The following NKAIN3 variants were observed in gnomAD, a reference collection of about 807,000 sequenced individuals.
NKAIN3 encodes the protein sodium/potassium transporting ATPase interacting 3.
NKAIN3 carries 25 observed loss-of-function variants against 30.2 expected under a neutral mutation model. That is an observed-to-expected ratio of 0.83 (90% CI 0.60 to 1.16). The LOEUF (loss-of-function observed/expected upper bound fraction) is 1.16. NKAIN3 is among the 50% of genes most tolerant of loss of function. NKAIN3 has a pLI of 0.00. For missense variants in NKAIN3, 225 were observed against 254.1 expected, an observed-to-expected ratio of 0.89 and a Z score of 0.78; for synonymous variants, 91 against 89.6, an observed-to-expected ratio of 1.02 and a Z score of -0.09.
chr8:62,290,866 C>T (rs933528227), intron 1 of NKAIN3, among the ~76,000 whole-genome samples: 57 of 152,088 alleles, frequency 3.7e-4, no homozygotes, highest in Admixed American at 1.3e-3. Flanking sequence ...TCCATCTGGT[C>T]CTGGACTTTT....
chr8:62,382,567 A>G (rs567117860), intron 1 of NKAIN3, among the ~76,000 whole-genome samples: 1 of 152,320 alleles, frequency 6.6e-6, no homozygotes, highest in Non-Finnish European at 1.5e-5. Context: ...TCTTTAGTCC[A>G]GTAACCATAT....
rs566253998 is a variant in NKAIN3 at position 62,833,223 on chromosome 8, C to T, written c.472-85230C>T. On this transcript the variant is annotated intron_variant, in intron 4 of 6. Coordinates refer to ENST00000623646, the MANE Select transcript of NKAIN3 (RefSeq NM_001304533.3). ...AGAGGAAAGTTTATAGTGCAAAAAA[C>T]CTACATCAAGAAGTTAGAAAGATCT... 1.8e-4 allele frequency among the ~76,000 whole-genome samples: 27 copies of T among 152,070 alleles called. No homozygotes were observed. In the South Asian group the frequency reaches 3.3e-3, roughly 19 times the overall value.
chr8:62,749,683 T>TC (rs1179909248), intron 4 of NKAIN3, among the ~76,000 whole-genome samples: 46 of 117,512 alleles, frequency 3.9e-4, no homozygotes, highest in African/African-American at 1.1e-3. Context: ...TCTTTTCTTT[T>TC]TTTTTTTTTT....
At chr8:62,309,980 C>T (rs1814375755) in intron 1 of NKAIN3, among the ~76,000 whole-genome samples, 1 of 150,020 alleles carries the variant, frequency 6.7e-6, no homozygotes, top group Non-Finnish European at 1.5e-5. Context: ...TTGCATAAAC[C>T]CTGATACACA....
intron 1 of NKAIN3, among the ~76,000 whole-genome samples, chr8:62,364,841 A>AAAAAAAAAAAAAC (rs1816685956): frequency 6.6e-6 from 1 of 150,914 alleles, no homozygotes; most frequent in Non-Finnish European, 1.5e-5. Context: ...AAAAAAAAAA[A>AAAAAAAAAAAAAC]AAAAAAAAAA....
intron 1 of NKAIN3, among the ~76,000 whole-genome samples, chr8:62,488,520 G>T (rs1806971927): frequency 6.6e-6 from 1 of 151,982 alleles, no homozygotes; most frequent in African/African-American, 2.4e-5. Flanking sequence ...TAGCTGAATG[G>T]GTAGCCCATC....
chr8:62,731,097 A>ACC (rs1815448561), intron 3 of NKAIN3, among the ~76,000 whole-genome samples: 1 of 152,074 alleles, frequency 6.6e-6, no homozygotes, highest in Admixed American at 6.5e-5. Context: ...CCTTGCACCT[A>ACC]ACCTAGATTG....
intron 4 of NKAIN3, among the ~76,000 whole-genome samples, chr8:62,827,631 C>G (rs899674): frequency 0.6 from 91,894 of 151,928 alleles, 28,587 homozygotes; most frequent in Non-Finnish European, 0.7. Context: ...ATCCTCAATT[C>G]TCTATCACAT....
chr8:62,850,101 T>G (rs1479694958), intron 4 of NKAIN3, among the ~76,000 whole-genome samples: 1 of 152,106 alleles, frequency 6.6e-6, no homozygotes. Flanking sequence ...TTTCTCCAGA[T>G]CCTCTCCAGC....
chr8:62,856,696 C>G (rs1820069375), intron 4 of NKAIN3: 1 of 745,350 alleles, frequency 1.3e-6, no homozygotes, highest in East Asian at 2.5e-5. Context: ...CCCATCAGGT[C>G]TTGGAAACGT....
intron 1 of NKAIN3, among the ~76,000 whole-genome samples, chr8:62,327,221 T>C (rs535650520): frequency 6.6e-6 from 1 of 152,220 alleles, no homozygotes; most frequent in African/African-American, 2.4e-5. Flanking sequence ...TATTAACCTC[T>C]CATCAGATAT....
chr8:62,549,224 A>G (rs1809113103), intron 1 of NKAIN3, among the ~76,000 whole-genome samples: 1 of 152,170 alleles, frequency 6.6e-6, no homozygotes, highest in African/African-American at 2.4e-5. Context: ...TCACCCAGGC[A>G]CTCAGTAAAA....
At chr8:62,734,620 G>A (rs932354603) in intron 3 of NKAIN3, among the ~76,000 whole-genome samples, 3 of 152,030 alleles carry the variant, frequency 2.0e-5, no homozygotes, top group Admixed American at 1.3e-4. Context: ...ATCTTAGCTC[G>A]ATTTGAATAC....
At chr8:62,784,496 A>T (rs539949563) in intron 4 of NKAIN3, among the ~76,000 whole-genome samples, 3 of 152,174 alleles carry the variant, frequency 2.0e-5, no homozygotes, top group South Asian at 2.1e-4. Context: ...AGATAATACT[A>T]TGAGCAACTG....
chr8:62,634,171 GT>G (rs201871507), intron 3 of NKAIN3, among the ~76,000 whole-genome samples: 21 of 149,116 alleles, frequency 1.4e-4, no homozygotes, highest in African/African-American at 2.9e-4. Context: ...CTTATCTGAG[GT>G]TTTTTTTTTC....
chr8:62,268,871 T>G (rs1483165), intron 1 of NKAIN3, among the ~76,000 whole-genome samples: 100,057 of 152,016 alleles, frequency 0.66, 33,194 homozygotes, highest in African/African-American at 0.74. Flanking sequence ...AATCTGGGAA[T>G]GCCTGACCAG....
At chr8:62,313,223 A>G (rs1814504300) in intron 1 of NKAIN3, among the ~76,000 whole-genome samples, 1 of 152,144 alleles carries the variant, frequency 6.6e-6, no homozygotes, top group Non-Finnish European at 1.5e-5. Context: ...TAAAGCACTA[A>G]TTTATGTAAA....
chr8:62,836,154 T>C (rs1036290756), intron 4 of NKAIN3, among the ~76,000 whole-genome samples: 2 of 151,904 alleles, frequency 1.3e-5, no homozygotes, highest in African/African-American at 4.8e-5. Context: ...GACATAAATA[T>C]GGAAACAGTA....
chr8:62,900,255 A>C (rs1484181783), intron 4 of NKAIN3, among the ~76,000 whole-genome samples: 1 of 152,178 alleles, frequency 6.6e-6, no homozygotes, highest in East Asian at 1.9e-4. Context: ...GCTGCAGAAA[A>C]ATGCTTTTAA....
Sources: allele counts gnomAD v4.1 joint callset (sites outside exome capture counted in the v4.1 genomes callset), GRCh38; gene constraint gnomAD v4.1.1; transcripts MANE v1.5; gene names NCBI Gene and HGNC (gene_info 2026-07-23, HGNC 2026-07-21).